ZNF521: variants seen among roughly 807,000 people sequenced by gnomAD.
ZNF521 encodes zinc finger protein 521, also known as LYST-interacting protein 3.
In ZNF521, 14 loss-of-function variants were observed where a neutral mutation model predicts 105.5. That is an observed-to-expected ratio of 0.13 (90% CI 0.09 to 0.21). ZNF521 has a LOEUF of 0.21. Among genes scored for constraint, ZNF521 ranks in the 10% least tolerant of loss-of-function variants. The pLI is 1.00. For missense variants in ZNF521, 1,233 were observed against 1,629.7 expected (o/e 0.76, Z 4.19); for synonymous variants, 635 against 606.0 (o/e 1.05, Z -0.70).
intron 3 of ZNF521, among the ~76,000 whole-genome samples, chr18:25,256,583 T>A (rs1908520836): frequency 6.6e-6 from 1 of 152,046 alleles, no homozygotes. Context: ...GTGACAGAAG[T>A]AGAGTTTCTG....
At chr18:25,071,671 T>C (rs539539230) in intron 7 of ZNF521, among the ~76,000 whole-genome samples, 3 of 152,300 alleles carry the variant, frequency 2.0e-5, no homozygotes, top group African/African-American at 7.2e-5. Context: ...TCCAGTATCT[T>C]ATTTTATAGA....
chr18:25,224,364 C>T lies in ZNF521; in HGVS notation c.3554G>A (p.Ser1185Asn). The T allele has an allele frequency of 6.2e-7, 1 of 1,612,148 alleles. No individual in the cohort carries two copies. The highest frequency in any genetic ancestry group is 1.3e-5 in the African/African-American group (1 of 74,842). Residue 1185 changes from serine to asparagine, a missense_variant, in exon 4 of 8, where the codon AGT (serine) becomes AAT (asparagine). Physicochemically the swap from Ser to Asn is conservative, Grantham distance 46. Around this residue, in one of 6 missense-constraint regions of ZNF521, gnomAD observed 614 missense variants for 751.5 expected, o/e 0.82. Coordinates refer to ENST00000361524, the MANE Select transcript of ZNF521 (RefSeq NM_015461.3). ...TPQVSPMPRISPSQSDEKKTY... is the reference protein window; with the variant it reads ...TPQVSPMPRINPSQSDEKKTY... The stretch of plus-strand genomic sequence containing the variant: ...AGTTACCTCATCCGACTGGGAGGGA[C>T]TGATTCTGGGCATTGGTGATACTTG...
chr18:25,089,520 T>C lies in ZNF521; in HGVS notation c.3851A>G (p.Lys1284Arg). The change falls in exon 7 of 8, where the codon AAG (lysine) becomes AGG (arginine). Residue 1284 changes from lysine (K) to arginine (R), a missense_variant. Lys to Arg is a conservative substitution (Grantham distance 26, BLOSUM62 2). Coordinates refer to ENST00000361524, the MANE Select transcript of ZNF521 (RefSeq NM_015461.3). ...HIFSAHGQED[K>R]IYDCTQCPQK... ...TGGACATTGTGTACAGTCATAGATC[T>C]TGTCTTCTTGTCCATGGGCAGAGAA... The C allele has an allele frequency of 6.2e-7, 1 of 1,614,226 alleles. No homozygotes were observed. Among genetic ancestry groups the C allele is most frequent in the South Asian group, 1.1e-5 (1 of 91,082 alleles).
chr18:25,200,006 G>C (rs1568006188), intron 4 of ZNF521, among the ~76,000 whole-genome samples: 1 of 152,002 alleles, frequency 6.6e-6, no homozygotes. Flanking sequence ...CCTGTTAAGA[G>C]TAGATAAAGG....
At chr18:25,315,523 G>C (rs765535584) in intron 3 of ZNF521, 5 of 152,228 alleles carry the variant, frequency 3.3e-5, no homozygotes, top group Non-Finnish European at 5.9e-5. Context: ...CAGACTCCAT[G>C]AGGTGTGTGT....
chr18:25,305,967 A>G (rs1335069540), intron 3 of ZNF521, among the ~76,000 whole-genome samples: 1 of 152,256 alleles, frequency 6.6e-6, no homozygotes, highest in Non-Finnish European at 1.5e-5. Flanking sequence ...AGGCAATGTT[A>G]TCACCTTTAC....
chr18:25,088,896 T>G (rs1470056485), intron 7 of ZNF521, among the ~76,000 whole-genome samples: 6 of 152,234 alleles, frequency 3.9e-5, no homozygotes, highest in African/African-American at 1.4e-4. Context: ...AGTCCAAGGT[T>G]ACTCACACAT....
chr18:25,221,161 A>T (rs564978288), intron 4 of ZNF521, among the ~76,000 whole-genome samples: 3 of 152,222 alleles, frequency 2.0e-5, no homozygotes, highest in South Asian at 2.1e-4. Flanking sequence ...CACAAAGAAA[A>T]CATTTTTCAC....
At position 25,162,102 on chromosome 18, in the gene ZNF521, C is replaced by T. The variant is rs566437949; in HGVS notation, c.3658+33058G>A. On this transcript the variant is annotated intron_variant, in intron 5 of 7. Coordinates refer to ENST00000361524, the MANE Select transcript of ZNF521 (RefSeq NM_015461.3). ...CCATTGCTGGGTCACTCTTTTAGCT[C>T]GCCTGAACCTATTTTCCTTCCTCTG... Among the ~76,000 whole-genome samples, 168 of 152,258 alleles carry T rather than the reference C, an allele frequency of 1.1e-3. 1 individual carries two copies. The highest frequency in any genetic ancestry group is 8.4e-4 in the Non-Finnish European group (57 of 68,012).
At chr18:25,070,264 G>A (rs936126190) in intron 7 of ZNF521, among the ~76,000 whole-genome samples, 2 of 152,124 alleles carry the variant, frequency 1.3e-5, no homozygotes, top group African/African-American at 2.4e-5. Context: ...AAACAATTTC[G>A]CATTCTAATA....
At chr18:25,162,459 T>C (rs2035267800) in intron 5 of ZNF521, among the ~76,000 whole-genome samples, 1 of 152,250 alleles carries the variant, frequency 6.6e-6, no homozygotes, top group South Asian at 2.1e-4. Flanking sequence ...ACTACATCTA[T>C]TTCTGCAACA....
intron 5 of ZNF521, among the ~76,000 whole-genome samples, chr18:25,185,030 T>G (rs1175648109): frequency 6.6e-6 from 1 of 152,168 alleles, no homozygotes; most frequent in African/African-American, 2.4e-5. Flanking sequence ...GTATACAATA[T>G]TCATAATGAT....
chr18:25,205,991 T>C (rs981938177), intron 4 of ZNF521, among the ~76,000 whole-genome samples: 3 of 152,098 alleles, frequency 2.0e-5, no homozygotes, highest in African/African-American at 7.2e-5. Context: ...TTATTCATTT[T>C]TTTTTAATTT....
intron 3 of ZNF521, among the ~76,000 whole-genome samples, chr18:25,274,079 C>T (rs1416243522): frequency 6.6e-6 from 1 of 152,158 alleles, no homozygotes; most frequent in Non-Finnish European, 1.5e-5. Context: ...TGTATTTCTT[C>T]ACTTCCAAAG....
chr18:25,276,139 G>T (rs1910020654), intron 3 of ZNF521, among the ~76,000 whole-genome samples: 1 of 152,092 alleles, frequency 6.6e-6, no homozygotes, highest in African/African-American at 2.4e-5. Flanking sequence ...CACAGAAAAT[G>T]ATCACTATCA....
intron 5 of ZNF521, among the ~76,000 whole-genome samples, chr18:25,187,035 C>T (rs983501100): frequency 6.6e-6 from 1 of 151,944 alleles, no homozygotes; most frequent in Admixed American, 6.6e-5. Flanking sequence ...GTCTCACAGG[C>T]GTTTTATTAG....
intron 5 of ZNF521, among the ~76,000 whole-genome samples, chr18:25,124,564 A>G (rs1327653340): frequency 6.6e-6 from 1 of 152,058 alleles, no homozygotes. Context: ...TGTACTGAAC[A>G]TTTCCCCCTT....
chr18:25,242,944 A>G (rs1229001021), intron 3 of ZNF521, among the ~76,000 whole-genome samples: 1 of 152,190 alleles, frequency 6.6e-6, no homozygotes, highest in Non-Finnish European at 1.5e-5. Context: ...GGGTTTCTTC[A>G]ACAAAAGAAC....
At chr18:25,257,144 G>A (rs1333700481) in intron 3 of ZNF521, among the ~76,000 whole-genome samples, 1 of 152,122 alleles carries the variant, frequency 6.6e-6, no homozygotes, top group Admixed American at 6.6e-5. Context: ...GAACACTTCT[G>A]TTGCTTTGAG....
Sources: gnomAD v4.1 joint callset for allele counts (sites outside exome capture counted in the v4.1 genomes callset) on GRCh38, gnomAD v4.1.1 for gene constraint, gnomAD v4.1.1 regional missense constraint, MANE v1.5 for transcripts, NCBI Gene and HGNC (gene_info 2026-07-23, HGNC 2026-07-21) for gene names.